ARMH3: variants seen among roughly 807,000 people sequenced by gnomAD.
ARMH3 encodes the protein armadillo-like helical domain-containing protein 3.
A neutral mutation model predicts 99.1 loss-of-function variants in ARMH3; 60 were observed. The ratio of observed to expected loss-of-function variants is 0.61; its 90% CI spans 0.49 to 0.75. The LOEUF (loss-of-function observed/expected upper bound fraction) is 0.75. Among genes scored for constraint, ARMH3 ranks in the 30% least tolerant of loss-of-function variants. The probability of loss-of-function intolerance (pLI) is 0.00; values close to 1 mark genes in which losing one functional copy is unlikely to be tolerated. For synonymous variants in ARMH3, 285 were observed against 292.8 expected, an observed-to-expected ratio of 0.97 and a Z score of 0.27; for missense variants, 679 against 843.1, an observed-to-expected ratio of 0.81 and a Z score of 2.41.
chr10:101,884,555 T>A (rs2067494217), intron 24 of ARMH3, among the ~76,000 whole-genome samples: 1 of 152,218 alleles, frequency 6.6e-6, no homozygotes, highest in Non-Finnish European at 1.5e-5. Flanking sequence ...TAATCTTTAT[T>A]CATAAAGGTA....
At chr10:102,001,514 T>C (rs1007113495) in intron 15 of ARMH3, among the ~76,000 whole-genome samples, 1 of 152,194 alleles carries the variant, frequency 6.6e-6, no homozygotes, top group African/African-American at 2.4e-5. Context: ...TATTGACACT[T>C]CTATTTTAAG....
chr10:101,850,090 C>CTCTTTT (rs752507279), intron 24 of ARMH3, among the ~76,000 whole-genome samples, 198 bp from the exon 25 acceptor site: 3 of 91,344 alleles, frequency 3.3e-5, no homozygotes, highest in African/African-American at 4.6e-5. Context: ...CTCTCTCTCT[C>CTCTTTT]TTTTTTTTTT....
At chr10:101,985,070 AATAT>A (rs1169382085) in intron 19 of ARMH3, among the ~76,000 whole-genome samples, 21 of 135,604 alleles carry the variant, frequency 1.5e-4, no homozygotes, top group African/African-American at 3.4e-4. Flanking sequence ...TCCATCTAAA[AATAT>A]ATATACACAC....
intron 14 of ARMH3, among the ~76,000 whole-genome samples, chr10:102,006,102 C>T (rs1312868916): frequency 1.3e-5 from 2 of 152,238 alleles, no homozygotes; most frequent in Non-Finnish European, 2.9e-5. Context: ...AGGCAAACTG[C>T]TTCATTTCTC....
At chr10:101,949,452 T>C (rs895585154) in intron 22 of ARMH3, among the ~76,000 whole-genome samples, 2 of 152,018 alleles carry the variant, frequency 1.3e-5, no homozygotes, top group Admixed American at 6.6e-5. Flanking sequence ...TACAAACAAC[T>C]GTATGCCCCA....
chr10:102,035,736 T>C (rs542018279), intron 2 of ARMH3, among the ~76,000 whole-genome samples: 3 of 152,334 alleles, frequency 2.0e-5, no homozygotes, highest in East Asian at 3.9e-4. Context: ...AGTGCAGTGG[T>C]GTGATCTCGG....
intron 24 of ARMH3, among the ~76,000 whole-genome samples, chr10:101,881,919 C>T (rs2067429838): frequency 6.6e-6 from 1 of 152,214 alleles, no homozygotes; most frequent in South Asian, 2.1e-4. Context: ...ATTCTTTTCT[C>T]CTCCGTATGG....
At chr10:101,876,892 C>CTG (rs1445984331) in intron 24 of ARMH3, among the ~76,000 whole-genome samples, 1 of 152,130 alleles carries the variant, frequency 6.6e-6, no homozygotes, top group Non-Finnish European at 1.5e-5. Flanking sequence ...GCAAGGACTC[C>CTG]TGTCTCCAGT....
Position 102,023,730 on chromosome 10 carries a change from T to C in ARMH3, c.527A>G (p.Gln176Arg). 1 of 1,614,216 alleles carries C rather than the reference T, an allele frequency of 6.2e-7. No individual in the cohort carries two copies. Among genetic ancestry groups the C allele is most frequent in the Non-Finnish European group, 8.5e-7 (1 of 1,180,026 alleles). Reference protein sequence around the residue: ...CLVTVTDNISQNTILEYVMIN... With the variant: ...CLVTVTDNISRNTILEYVMIN... ...CATTACATACTCGAGAATAGTGTTC[T>C]GGCTGATGTTATCTGTCACCTGAAT... is the stretch of plus-strand genomic sequence containing the variant. Residue 176 changes from glutamine (Q) to arginine (R), a missense_variant, in exon 7 of 26, where the codon CAG becomes CGG. Physicochemically the swap from Gln to Arg is conservative, Grantham distance 43. Around this residue, in one of 3 missense-constraint regions of ARMH3, gnomAD observed 280 missense variants for 354.6 expected, o/e 0.79. Transcript: ENST00000370033.
At chr10:101,959,975 C>A (rs1845207946) in intron 20 of ARMH3, among the ~76,000 whole-genome samples, 1 of 152,086 alleles carries the variant, frequency 6.6e-6, no homozygotes, top group Admixed American at 6.6e-5. Context: ...TTCAGGAGTT[C>A]GAGAACAGCC....
rs151042248 is a variant in ARMH3 at position 101,940,779 on chromosome 10, TTC to T, written c.1706-843_1706-842del. On this transcript the variant is annotated intron_variant, in intron 22 of 25. Transcript: ENST00000370033. ...AACGTTCTTCCCTTGTGTGACCAAA[TTC>T]TCTCCCTTTTCCAAACTCACACAGA... 2.3e-3 allele frequency among the ~76,000 whole-genome samples: 353 copies of T among 152,258 alleles called. 2 individuals are homozygous for T. The highest frequency in any genetic ancestry group is 4.1e-3 in the Non-Finnish European group (280 of 68,022).
intron 20 of ARMH3, among the ~76,000 whole-genome samples, chr10:101,962,933 G>C (rs1845360415): frequency 6.6e-6 from 1 of 150,646 alleles, no homozygotes; most frequent in South Asian, 2.1e-4. Context: ...GTGACCAAAG[G>C]AAAAATCCTA....
intron 20 of ARMH3, among the ~76,000 whole-genome samples, chr10:101,971,311 G>A (rs1845763428): frequency 6.6e-6 from 1 of 152,080 alleles, no homozygotes; most frequent in Non-Finnish European, 1.5e-5. Flanking sequence ...GGGCGCAGTG[G>A]CTCACACCTG....
At chr10:101,984,663 C>T (rs185826043) in intron 19 of ARMH3, among the ~76,000 whole-genome samples, 1 of 152,062 alleles carries the variant, frequency 6.6e-6, no homozygotes, top group Admixed American at 6.6e-5. Flanking sequence ...AGATTCTGTT[C>T]CTGTCTCCAC....
intron 6 of ARMH3, among the ~76,000 whole-genome samples, 185 bp from the exon 7 acceptor site, chr10:102,023,934 C>T (rs1195846537): frequency 2.0e-4 from 31 of 152,254 alleles, no homozygotes; most frequent in Non-Finnish European, 1.5e-5. Context: ...GGTAGGAAAT[C>T]AGCAAGTTAA....
chr10:102,030,830 G>C (rs2067113214), intron 4 of ARMH3, among the ~76,000 whole-genome samples: 1 of 152,072 alleles, frequency 6.6e-6, no homozygotes, highest in South Asian at 2.1e-4. Flanking sequence ...CACCCAGGCT[G>C]GAGTGCAGTG....
chr10:101,973,791 C>T (rs1480998521), intron 20 of ARMH3, among the ~76,000 whole-genome samples: 1 of 152,174 alleles, frequency 6.6e-6, no homozygotes, highest in African/African-American at 2.4e-5. Flanking sequence ...CTACTACTAC[C>T]ACCTTGTTTA....
At chr10:101,908,988 ATT>A (rs1416135392) in intron 23 of ARMH3, among the ~76,000 whole-genome samples, 1 of 152,098 alleles carries the variant, frequency 6.6e-6, no homozygotes, top group Non-Finnish European at 1.5e-5. Context: ...TTATAATTAA[ATT>A]TTGTTTCTAG....
chr10:102,036,616 G>C (rs896504349), intron 2 of ARMH3, among the ~76,000 whole-genome samples: 10 of 152,042 alleles, frequency 6.6e-5, no homozygotes, highest in Non-Finnish European at 7.4e-5. Flanking sequence ...TGTCCACTCA[G>C]GGTTAAATGG....
Sources: gnomAD v4.1 joint callset for allele counts (sites outside exome capture counted in the v4.1 genomes callset) on GRCh38, gnomAD v4.1.1 for gene constraint, gnomAD v4.1.1 regional missense constraint, MANE v1.5 for transcripts, NCBI Gene and HGNC (gene_info 2026-07-23, HGNC 2026-07-21) for gene names.